Variants in LRIG1 observed in about 807,000 individuals in gnomAD.
The protein encoded by LRIG1 is leucine-rich repeats and immunoglobulin-like domains protein 1.
In LRIG1, 48 loss-of-function variants were observed where a neutral mutation model predicts 99.2. The ratio of observed to expected loss-of-function variants is 0.48; its 90% confidence interval spans 0.38 to 0.62. LRIG1 has a LOEUF of 0.62. LRIG1 is among the 20% of genes least tolerant of loss of function. LRIG1 has a pLI of 0.00. For missense variants in LRIG1, 1,646 were observed against 1,434.4 expected (o/e 1.15, Z -2.38); for synonymous variants, 772 against 596.1 (o/e 1.29, Z -4.30).
In LRIG1 at chr3:66,500,455, C is replaced by T. The variant is rs974346580; in HGVS notation, c.-48G>A. 1 of 1,195,714 alleles carries T rather than the reference C, an allele frequency of 8.4e-7. No individual in the cohort carries two copies. The highest frequency in any genetic ancestry group is 1.6e-5 in the African/African-American group (1 of 63,080). The allele number at this position is 1,195,714 out of a possible 1,614,324, so 74.1% of individuals were successfully genotyped here. Reference sequence around the variant, plus strand: ...CTCCGGGCGCGGGGACTGTGAGGACCCGAACGGCCGCAGACGCGGGCGGGC... The same window carrying T: ...CTCCGGGCGCGGGGACTGTGAGGACTCGAACGGCCGCAGACGCGGGCGGGC... On this transcript the variant is annotated 5_prime_UTR_variant, in exon 1 of 19. Transcript: ENST00000273261.
Position 66,386,154 on chromosome 3 carries a change from T to C in LRIG1, c.1616A>G (p.Asn539Ser), listed in dbSNP as rs199866436. 48 of 1,614,030 alleles carry C rather than the reference T, an allele frequency of 3.0e-5. No homozygotes were observed. Among genetic ancestry groups the C allele is most frequent in the Middle Eastern group, 1.6e-4 (1 of 6,084 alleles). Reference sequence around the variant, plus strand: ...GTGGACAAAGTTCTCCATGTCTGCATTGGTCAGGACTTCATTGTCTTTCTT... The same window carrying C: ...GTGGACAAAGTTCTCCATGTCTGCACTGGTCAGGACTTCATTGTCTTTCTT... ...AWKKDNEVLT[N>S]ADMENFVHVH... The change falls in exon 13 of 19, where the codon AAT (asparagine) becomes AGT (serine). Residue 539 changes from asparagine (N) to serine (S), a missense_variant. By Grantham distance (46) the Asn-to-Ser change is conservative (BLOSUM62 1). Transcript: ENST00000273261.
At position 66,417,273 on chromosome 3, in the gene LRIG1, C is replaced by T. The variant is rs1404870769; in HGVS notation, c.366-7G>A. 17 of 1,612,994 alleles carry T rather than the reference C, an allele frequency of 1.1e-5. No individual in the cohort carries two copies. Among genetic ancestry groups the T allele is most frequent in the Non-Finnish European group, 1.4e-5 (17 of 1,179,224 alleles). On this transcript the variant is annotated splice_polypyrimidine_tract_variant and splice_region_variant and intron_variant, in intron 3 of 18. Coordinates refer to ENST00000273261, the MANE Select transcript of LRIG1 (RefSeq NM_015541.3). The stretch of plus-strand genomic sequence containing the variant: ...GCGAATCTTGTTGTGCTGCCTGAAA[C>T]ACAACAAGGGAGGTGACTTGAGCAT...
intron 1 of LRIG1, among the ~76,000 whole-genome samples, chr3:66,480,472 TA>T (rs75991741): frequency 9.5e-4 from 136 of 142,556 alleles, no homozygotes; most frequent in Middle Eastern, 7.4e-3. Flanking sequence ...AAAAGCTATT[TA>T]AAAAAAAAAA....
At chr3:66,384,901 T>A (rs1053070050) in intron 13 of LRIG1, among the ~76,000 whole-genome samples, 3 of 152,130 alleles carry the variant, frequency 2.0e-5, no homozygotes, top group African/African-American at 7.2e-5. Flanking sequence ...ACGTCAATTT[T>A]GGGGAGAGTC....
At chr3:66,401,636 G>C (rs1404175892) in intron 9 of LRIG1, 3 of 1,529,888 alleles carry the variant, frequency 2.0e-6, no homozygotes, top group Non-Finnish European at 2.6e-6. Flanking sequence ...ATGGGGCTGG[G>C]ACGGGGAGCT....
intron 9 of LRIG1, among the ~76,000 whole-genome samples, chr3:66,399,455 G>A (rs551035807): frequency 6.6e-6 from 1 of 152,224 alleles, no homozygotes; most frequent in East Asian, 1.9e-4. Context: ...GTCAAAAAAG[G>A]AAAGAAAAAT....
In LRIG1 at chr3:66,479,044, T is replaced by C. The variant is rs907861037; in HGVS notation, c.219-16535A>G. ...GCCCATCACCCTGCAGCCGCCCAAGTTCAATACGTCCTCCCTTCCCCCAGC... is the reference window on the plus strand; with the variant it reads ...GCCCATCACCCTGCAGCCGCCCAAGCTCAATACGTCCTCCCTTCCCCCAGC... On this transcript the variant is annotated intron_variant, in intron 1 of 18. Coordinates refer to ENST00000273261, the MANE Select transcript of LRIG1 (RefSeq NM_015541.3). Among the ~76,000 whole-genome samples the C allele has an allele frequency of 6.6e-5, 10 of 152,284 alleles. No homozygotes were observed. The South Asian group carries it at 2.1e-3, about 32-fold the overall frequency.
intron 3 of LRIG1, among the ~76,000 whole-genome samples, chr3:66,444,641 C>G (rs1000068972): frequency 1.3e-5 from 2 of 152,176 alleles, no homozygotes; most frequent in Non-Finnish European, 2.9e-5. Context: ...TTGTCCCATC[C>G]CAGACCCGTT....
Position 66,412,969 on chromosome 3 carries a change from G to A in LRIG1, c.693C>T (p.Phe231=), listed in dbSNP as rs1419986563. The A allele has an allele frequency of 6.2e-7, 1 of 1,614,110 alleles. No individual in the cohort carries two copies. Among genetic ancestry groups the A allele is most frequent in the Non-Finnish European group, 8.5e-7 (1 of 1,180,042 alleles). The change falls in exon 6 of 19, where the codon TTC becomes TTT. Residue 231 remains phenylalanine (F), a synonymous_variant. Coordinates refer to ENST00000273261, the MANE Select transcript of LRIG1 (RefSeq NM_015541.3). ...GCACCTCCAAGCTGTTGAGCCCCTG[G>A]AAGGTGAGGCCCTCTATCAGCCGAA... ...NRIRLIEGLT[F]QGLNSLEVLK... is the part of the protein sequence containing the mutation.
At position 66,424,584 on chromosome 3, in the gene LRIG1, C is replaced by T. The variant is rs559363291; in HGVS notation, c.366-7318G>A. The stretch of plus-strand genomic sequence containing the variant: ...TGCACAGTTCCCAAGAAGATCCATA[C>T]CTCTTTTTATTGCCTCTCAACAGCT... On this transcript the variant is annotated intron_variant, in intron 3 of 18. Transcript: ENST00000273261. Among the ~76,000 whole-genome samples, 16 of 152,346 alleles carry T rather than the reference C, an allele frequency of 1.1e-4. No homozygotes were observed. In the East Asian group the frequency reaches 2.3e-3, roughly 22 times the overall value.
At chr3:66,494,905 T>C (rs1300600574) in intron 1 of LRIG1, among the ~76,000 whole-genome samples, 3 of 152,226 alleles carry the variant, frequency 2.0e-5, no homozygotes, top group Non-Finnish European at 2.9e-5. Context: ...GACAATTAAT[T>C]GGTCAGTCGG....
At position 66,393,898 on chromosome 3, in the gene LRIG1, G is replaced by T. The variant is rs931370888; in HGVS notation, c.1468+142C>A. 7 of 850,814 alleles carry T rather than the reference G, an allele frequency of 8.2e-6. No homozygotes were observed. In the African/African-American group the frequency reaches 1.0e-4, roughly 12 times the overall value. 52.7% of individuals were successfully genotyped at this position (850,814 alleles called of 1,614,324 possible). A position where few individuals can be genotyped will look rare whatever the true frequency, so the allele number is the denominator to read the frequency against. On this transcript the variant is annotated intron_variant, in intron 12 of 18. Transcript: ENST00000273261. Reference sequence around the variant, plus strand: ...TAAATACTGTGTGTGGTTTCAGCAAGAAATAAATTGCATCCAGCAGCTGAT... The same window carrying T: ...TAAATACTGTGTGTGGTTTCAGCAATAAATAAATTGCATCCAGCAGCTGAT...
At chr3:66,390,195 C>T (rs1701560588) in intron 12 of LRIG1, among the ~76,000 whole-genome samples, 1 of 151,940 alleles carries the variant, frequency 6.6e-6, no homozygotes, top group African/African-American at 2.4e-5. Flanking sequence ...TTGCAAATGA[C>T]ATGATGATCA....
At chr3:66,382,675 T>G (rs1031947146) in intron 15 of LRIG1, among the ~76,000 whole-genome samples, 4 of 152,206 alleles carry the variant, frequency 2.6e-5, no homozygotes, top group African/African-American at 9.7e-5. Flanking sequence ...CCGCACTGTT[T>G]CAGGAACAAC....
At chr3:66,419,528 G>A (rs1702736687) in intron 3 of LRIG1, among the ~76,000 whole-genome samples, 1 of 152,168 alleles carries the variant, frequency 6.6e-6, no homozygotes, top group Admixed American at 6.5e-5. Context: ...CAGGGCGAAT[G>A]TCTGAGGGTA....
chr3:66,401,800 C>G, intron 9 of LRIG1: 1 of 557,382 alleles, frequency 1.8e-6, no homozygotes. Flanking sequence ...CAACCTGGAA[C>G]AGAAAGCGAC....
intron 1 of LRIG1, chr3:66,468,989 T>A (rs890743187): frequency 4.6e-5 from 7 of 152,228 alleles, no homozygotes; most frequent in African/African-American, 1.2e-4. Context: ...TCTTACCTTT[T>A]TTTGTATTGT....
intron 2 of LRIG1, among the ~76,000 whole-genome samples, chr3:66,462,067 A>T (rs997369680): frequency 2.6e-5 from 4 of 152,186 alleles, no homozygotes; most frequent in Admixed American, 1.3e-4. Context: ...AACACGGCAA[A>T]ATCTCATCTC....
intron 2 of LRIG1, among the ~76,000 whole-genome samples, chr3:66,454,484 GT>G (rs1398886365): frequency 6.6e-6 from 1 of 152,106 alleles, no homozygotes. Context: ...CGATTGTACA[GT>G]CTTCTCTCAC....
Sources: gnomAD v4.1 joint callset for allele counts (sites outside exome capture counted in the v4.1 genomes callset) on GRCh38, gnomAD v4.1.1 for gene constraint, MANE v1.5 for transcripts, NCBI Gene and HGNC (gene_info 2026-07-23, HGNC 2026-07-21) for gene names.